PLCL1: variants seen among roughly 807,000 people sequenced by gnomAD.
PLCL1 encodes the protein inactive phospholipase C-like protein 1.
PLCL1 carries 41 observed loss-of-function variants against 84.4 expected under a neutral mutation model. The ratio of observed to expected loss-of-function variants is 0.49; its 90% CI spans 0.38 to 0.63. The LOEUF (loss-of-function observed/expected upper bound fraction) is 0.63, where lower values mean the gene tolerates loss of function less well. Ranked by LOEUF, PLCL1 falls within the 30% of genes least tolerant of loss-of-function variation. The pLI, the probability that PLCL1 is intolerant of heterozygous loss-of-function variation, is 0.00. For synonymous variants in PLCL1, 490 were observed against 488.3 expected, an observed-to-expected ratio of 1.00 and a Z score of -0.05; for missense variants, 1,206 against 1,367.8, an observed-to-expected ratio of 0.88 and a Z score of 1.87.
intron 1 of PLCL1, among the ~76,000 whole-genome samples, chr2:198,064,813 A>G (rs1449258702): frequency 6.6e-6 from 1 of 152,224 alleles, no homozygotes; most frequent in Non-Finnish European, 1.5e-5. Flanking sequence ...AGACTGAATG[A>G]AAGTCTTTAT....
chr2:197,988,596 A>G (rs1354614166), intron 1 of PLCL1, among the ~76,000 whole-genome samples: 3 of 152,164 alleles, frequency 2.0e-5, no homozygotes, highest in Admixed American at 6.5e-5. Flanking sequence ...GTGTATATAT[A>G]TCACATTTTC....
At chr2:197,878,612 C>A (rs1162103547) in intron 1 of PLCL1, among the ~76,000 whole-genome samples, 2 of 152,044 alleles carry the variant, frequency 1.3e-5, no homozygotes, top group African/African-American at 4.8e-5. Context: ...TATCTGTGAT[C>A]CTGGATCTGT....
In PLCL1 at chr2:198,085,625, A is replaced by G; in HGVS notation, c.2108A>G (p.Glu703Gly). The change falls in exon 2 of 6, where the codon GAA becomes GGA. Residue 703 changes from glutamate to glycine, a missense_variant. Coordinates refer to ENST00000428675, the MANE Select transcript of PLCL1 (RefSeq NM_006226.4). The surrounding 1 kb of genome is among the most constrained non-coding windows in gnomAD (Gnocchi z 5.3). ...YVLRPSIMRD[E>G]VSYFSANTKG... ...CTAAGGCCGTCTATAATGCGAGATG[A>G]AGTTTCTTACTTCAGCGCAAATACA... 1 of 1,614,054 alleles carries G rather than the reference A, an allele frequency of 6.2e-7. No individual in the cohort carries two copies. The highest frequency in any genetic ancestry group is 1.6e-4 in the Middle Eastern group (1 of 6,062).
chr2:197,849,922 A>G (rs1012884318), intron 1 of PLCL1, among the ~76,000 whole-genome samples: 1 of 152,120 alleles, frequency 6.6e-6, no homozygotes, highest in African/African-American at 2.4e-5. Context: ...GTGCTCTTGA[A>G]GTACCACTGA....
intron 1 of PLCL1, among the ~76,000 whole-genome samples, chr2:197,951,092 T>G (rs1379262627): frequency 6.6e-6 from 1 of 152,098 alleles, no homozygotes; most frequent in Admixed American, 6.6e-5. Context: ...AGGTCAGGGA[T>G]ACAATAGGTT....
At chr2:197,806,613 T>C (rs1045917515) in intron 1 of PLCL1, among the ~76,000 whole-genome samples, 11 of 152,362 alleles carry the variant, frequency 7.2e-5, no homozygotes, top group Admixed American at 7.2e-4. Context: ...TTTTTGATTA[T>C]GTAACAGGAG....
chr2:198,094,254 G>C (rs10200463), intron 3 of PLCL1, among the ~76,000 whole-genome samples: 1 of 151,324 alleles, frequency 6.6e-6, no homozygotes, highest in East Asian at 1.9e-4. Context: ...GTAGAGACAG[G>C]GTTTCACCAT....
At chr2:197,933,594 C>G (rs898976044) in intron 1 of PLCL1, among the ~76,000 whole-genome samples, 1 of 152,036 alleles carries the variant, frequency 6.6e-6, no homozygotes, top group African/African-American at 2.4e-5. Context: ...GATATTTGGG[C>G]AAAATGAGGG....
At chr2:197,891,319 T>A (rs1688022176) in intron 1 of PLCL1, among the ~76,000 whole-genome samples, 1 of 152,160 alleles carries the variant, frequency 6.6e-6, no homozygotes, top group Admixed American at 6.5e-5. Flanking sequence ...GATGAGACAG[T>A]CTTAAAGCAT....
chr2:198,085,636 T>C lies in PLCL1; in HGVS notation c.2119T>C (p.Phe707Leu). 6.2e-7 allele frequency: 1 copy of C among 1,614,116 alleles called. No individual in the cohort carries two copies. Residue 707 changes from phenylalanine (F) to leucine (L), a missense_variant, in exon 2 of 6, where the codon TTC becomes CTC. Transcript: ENST00000428675. The surrounding 1 kb of genome is among the most constrained non-coding windows in gnomAD (Gnocchi z 5.3). ...TATAATGCGAGATGAAGTTTCTTACTTCAGCGCAAATACAAAGGGCATTCT... is the reference window on the plus strand; with the variant it reads ...TATAATGCGAGATGAAGTTTCTTACCTCAGCGCAAATACAAAGGGCATTCT... ...PSIMRDEVSY[F>L]SANTKGILPG...
intron 4 of PLCL1, among the ~76,000 whole-genome samples, chr2:198,102,990 T>C (rs931139377): frequency 3.9e-5 from 6 of 152,108 alleles, no homozygotes; most frequent in African/African-American, 1.2e-4. Flanking sequence ...AAAAATACTT[T>C]AAGGTCATTC....
chr2:197,820,258 C>G (rs1328921640), intron 1 of PLCL1, among the ~76,000 whole-genome samples: 1 of 152,038 alleles, frequency 6.6e-6, no homozygotes, highest in East Asian at 1.9e-4. Context: ...TCAGCAACCC[C>G]AAGTATTAGT....
At chr2:197,909,227 G>A (rs1688439483) in intron 1 of PLCL1, among the ~76,000 whole-genome samples, 1 of 152,182 alleles carries the variant, frequency 6.6e-6, no homozygotes, top group African/African-American at 2.4e-5. Context: ...ACTTGGCAGA[G>A]CCAGGACATT....
chr2:198,063,990 G>C (rs1413102446), intron 1 of PLCL1, among the ~76,000 whole-genome samples: 1 of 152,172 alleles, frequency 6.6e-6, no homozygotes, highest in Non-Finnish European at 1.5e-5. Context: ...TGTTGCCATA[G>C]GAATGTTCAA....
chr2:197,855,515 C>T (rs1687315338), intron 1 of PLCL1, among the ~76,000 whole-genome samples: 1 of 152,122 alleles, frequency 6.6e-6, no homozygotes, highest in South Asian at 2.1e-4. Flanking sequence ...TTTCTTTCCA[C>T]CTTTTCTGAT....
At chr2:198,091,510 T>C (rs1328329403) in intron 3 of PLCL1, among the ~76,000 whole-genome samples, 1 of 151,344 alleles carries the variant, frequency 6.6e-6, no homozygotes, top group African/African-American at 2.4e-5. Flanking sequence ...TGAAACCCCG[T>C]CTCTACTAAA....
intron 1 of PLCL1, among the ~76,000 whole-genome samples, chr2:197,881,613 T>C (rs181648015): frequency 6.6e-6 from 1 of 152,164 alleles, no homozygotes; most frequent in African/African-American, 2.4e-5. Flanking sequence ...GGCCTCAGAG[T>C]TATCATGCTA....
intron 5 of PLCL1, among the ~76,000 whole-genome samples, chr2:198,108,730 G>A (rs1442273977): frequency 3.3e-5 from 5 of 151,938 alleles, no homozygotes; most frequent in Non-Finnish European, 7.4e-5. Context: ...AAATCAAGGT[G>A]CTTCTGGAAG....
chr2:197,894,521 C>T (rs548666581), intron 1 of PLCL1, among the ~76,000 whole-genome samples: 14 of 151,980 alleles, frequency 9.2e-5, no homozygotes, highest in African/African-American at 3.4e-4. Flanking sequence ...ATAACTAGCT[C>T]ATTTTTTTTT....
Sources: gnomAD v4.1 joint callset for allele counts (sites outside exome capture counted in the v4.1 genomes callset) on GRCh38, gnomAD v4.1.1 for gene constraint, Gnocchi (gnomAD v3.1) non-coding constraint, MANE v1.5 for transcripts, NCBI Gene and HGNC (gene_info 2026-07-23, HGNC 2026-07-21) for gene names.